Variants in ITGB8 observed in about 807,000 individuals in gnomAD.
ITGB8 encodes the protein integrin beta-8.
ITGB8 carries 30 observed loss-of-function variants against 89.5 expected under a neutral mutation model. The ratio of observed to expected loss-of-function variants is 0.34; its 90% CI spans 0.25 to 0.45. The LOEUF is 0.45. ITGB8 is among the 20% of genes least tolerant of loss of function. The pLI, the probability that ITGB8 is intolerant of heterozygous loss-of-function variation, is 1.00. For synonymous variants in ITGB8, 335 were observed against 320.4 expected (o/e 1.05, Z -0.49); for missense variants, 836 against 933.3 (o/e 0.90, Z 1.36).
chr7:20,404,012 T>A (rs553720206), intron 10 of ITGB8, among the ~76,000 whole-genome samples: 1 of 152,362 alleles, frequency 6.6e-6, no homozygotes, highest in East Asian at 1.9e-4. Context: ...TTTCTTTTTT[T>A]CATTTACCAT....
At chr7:20,403,045 A>G (rs950269798) in intron 10 of ITGB8, among the ~76,000 whole-genome samples, 4 of 152,240 alleles carry the variant, frequency 2.6e-5, no homozygotes, top group African/African-American at 7.2e-5. Flanking sequence ...TCATAAGCAT[A>G]TGGGACGTAA....
At chr7:20,381,529 G>A (rs1786392955) in intron 5 of ITGB8, 198 bp from the exon 6 acceptor site, 1 of 484,316 alleles carries the variant, frequency 2.1e-6, no homozygotes. Context: ...CCAGGAACTA[G>A]TGTGGTCACA....
intron 2 of ITGB8, 123 bp from the exon 3 acceptor site, chr7:20,366,889 C>A: frequency 1.6e-6 from 1 of 632,892 alleles, no homozygotes; most frequent in South Asian, 2.4e-5. Context: ...ATAGTAAAAA[C>A]ATAAGGATTA....
At chr7:20,389,590 T>C (rs770464827) in intron 6 of ITGB8, among the ~76,000 whole-genome samples, 3 of 152,180 alleles carry the variant, frequency 2.0e-5, no homozygotes, top group Non-Finnish European at 4.4e-5. Flanking sequence ...GTCCTTAAAA[T>C]ACAAATGTTT....
rs1358661299 is a variant in ITGB8, at chr7:20,395,888, C to G, written c.1146+903C>G. 5.3e-5 allele frequency among the ~76,000 whole-genome samples: 8 copies of G among 152,234 alleles called. 1 individual carries two copies. The East Asian group carries it at 1.3e-3, about 26-fold the overall frequency. On this transcript the variant is annotated intron_variant, in intron 8 of 13. Transcript: ENST00000222573. The stretch of plus-strand genomic sequence containing the variant: ...CTTCAAGCCTCAGGTGCTTCCTCCT[C>G]TGCGATACCACCTGTTTTTCATTGT...
chr7:20,367,232 T>C (rs1299540047), intron 3 of ITGB8, 46 bp downstream of exon 3: 8 of 1,418,106 alleles, frequency 5.6e-6, no homozygotes, highest in East Asian at 4.6e-5. Flanking sequence ...TAACTTGAAA[T>C]TGCAATTTAC....
chr7:20,368,675 T>C (rs1785803568), intron 3 of ITGB8, among the ~76,000 whole-genome samples: 1 of 152,234 alleles, frequency 6.6e-6, no homozygotes, highest in Non-Finnish European at 1.5e-5. Context: ...TACTCTTTTT[T>C]AAATTCTTGA....
chr7:20,389,378 G>A (rs1011804071), intron 6 of ITGB8, among the ~76,000 whole-genome samples: 2 of 152,046 alleles, frequency 1.3e-5, no homozygotes, highest in African/African-American at 2.4e-5. Context: ...TAATGACCAC[G>A]ACTGATCTTC....
Position 20,404,723 on chromosome 7 carries a change from A to G in ITGB8, c.1783A>G (p.Asn595Asp). The change falls in exon 11 of 14, where the codon AAT (asparagine) becomes GAT (aspartate). Residue 595 changes from asparagine to aspartate, a missense_variant. Physicochemically the swap from Asn to Asp is conservative, Grantham distance 23. Coordinates refer to ENST00000222573, the MANE Select transcript of ITGB8 (RefSeq NM_002214.3). ...CPSAAAQHCV[N>D]SKGQVCSGRG... ...TTCAGCAGCAGCCCAGCACTGTGTC[A>G]ATTCAAAGGGCCAAGTGTGCAGTGG... 1 of 1,614,178 alleles carries G rather than the reference A, an allele frequency of 6.2e-7. No individual in the cohort carries two copies. The highest frequency in any genetic ancestry group is 8.5e-7 in the Non-Finnish European group (1 of 1,180,022).
chr7:20,360,921 T>C (rs1785476554), intron 1 of ITGB8, among the ~76,000 whole-genome samples: 1 of 148,644 alleles, frequency 6.7e-6, no homozygotes, highest in South Asian at 2.1e-4. Context: ...CAGTCTTTTT[T>C]TTTTTTTTTT....
At position 20,345,340 on chromosome 7, in the gene ITGB8, A is replaced by G. The variant is rs115040423; in HGVS notation, c.127+13407A>G. ...TATGAAAACATTAGGAAACTAAAGG[A>G]CAAAAGTTCTTGTCCTCATAAGTCT... On this transcript the variant is annotated intron_variant, in intron 1 of 13. Transcript: ENST00000222573. 2.5e-3 allele frequency among the ~76,000 whole-genome samples: 386 copies of G among 152,256 alleles called. 3 individuals carry two copies. The highest frequency in any genetic ancestry group is 8.3e-3 in the African/African-American group (343 of 41,530).
At chr7:20,359,510 T>G (rs898572535) in intron 1 of ITGB8, among the ~76,000 whole-genome samples, 3 of 152,172 alleles carry the variant, frequency 2.0e-5, no homozygotes, top group Non-Finnish European at 4.4e-5. Flanking sequence ...TTTCTTGTAA[T>G]GTTGGATGGG....
chr7:20,401,925 G>A lies in ITGB8; in HGVS notation c.1486G>A (p.Glu496Lys), dbSNP rs539881714. ...FLDSKCFQCD[E>K]NKCHFDEDQF... Reference sequence around the variant, plus strand: ...AGATTCCAAGTGTTTCCAGTGTGATGAGAATAAATGTCATTTTGATGAAGA... The same window carrying A: ...AGATTCCAAGTGTTTCCAGTGTGATAAGAATAAATGTCATTTTGATGAAGA... The change falls in exon 10 of 14, where the codon GAG becomes AAG. Residue 496 changes from glutamate to lysine, a missense_variant. Transcript: ENST00000222573. 1.2e-6 allele frequency: 2 copies of A among 1,614,120 alleles called. No individual in the cohort carries two copies. The highest frequency in any genetic ancestry group is 1.3e-5 in the African/African-American group (1 of 75,060).
intron 1 of ITGB8, among the ~76,000 whole-genome samples, chr7:20,336,391 G>A (rs1784579206): frequency 1.3e-5 from 2 of 152,162 alleles, no homozygotes; most frequent in African/African-American, 4.8e-5. Flanking sequence ...GCAGCAAATT[G>A]TGTAAACCAT....
At chr7:20,350,205 T>C (rs1785067435) in intron 1 of ITGB8, among the ~76,000 whole-genome samples, 1 of 152,212 alleles carries the variant, frequency 6.6e-6, no homozygotes, top group Admixed American at 6.5e-5. Context: ...TGGAGTGCAA[T>C]GGCATGATCT....
intron 1 of ITGB8, among the ~76,000 whole-genome samples, chr7:20,348,082 T>A (rs1784989163): frequency 6.6e-6 from 1 of 152,186 alleles, no homozygotes; most frequent in East Asian, 1.9e-4. Context: ...CAATTTTGAC[T>A]TGAAAAGAAG....
intron 1 of ITGB8, among the ~76,000 whole-genome samples, chr7:20,346,119 T>G (rs1784914139): frequency 1.3e-5 from 2 of 151,866 alleles, no homozygotes; most frequent in African/African-American, 4.8e-5. Context: ...GAGGGAGAAG[T>G]GCCTGTGAGT....
At chr7:20,357,326 A>G (rs373958819) in intron 1 of ITGB8, among the ~76,000 whole-genome samples, 17 of 152,118 alleles carry the variant, frequency 1.1e-4, no homozygotes, top group African/African-American at 3.9e-4. Flanking sequence ...TTTACTTAAT[A>G]GCCATTTTTA....
At chr7:20,394,811 A>G (rs1787005144) in intron 7 of ITGB8, 85 bp from the exon 8 acceptor site, 13 of 938,458 alleles carry the variant, frequency 1.4e-5, no homozygotes, top group Non-Finnish European at 2.1e-5. Context: ...TTCAACTGAT[A>G]ACTACAAAAA....
Sources: gnomAD v4.1 joint callset for allele counts (sites outside exome capture counted in the v4.1 genomes callset) on GRCh38, gnomAD v4.1.1 for gene constraint, MANE v1.5 for transcripts, NCBI Gene and HGNC (gene_info 2026-07-23, HGNC 2026-07-21) for gene names.